ADGRB2: variants seen among roughly 807,000 people sequenced by gnomAD.
ADGRB2 encodes the protein brain-specific angiogenesis inhibitor 2.
In ADGRB2, 47 loss-of-function variants were observed where a neutral mutation model predicts 178.7. That is an observed-to-expected ratio of 0.26 (90% CI 0.21 to 0.34). ADGRB2 has a LOEUF of 0.34. Ranked by LOEUF, ADGRB2 falls within the 10% of genes least tolerant of loss-of-function variation. The pLI is 1.00. For missense variants in ADGRB2, 1,584 were observed against 2,180.8 expected (o/e 0.73, Z 5.45); for synonymous variants, 870 against 912.4 (o/e 0.95, Z 0.84).
chr1:31,759,177 T>C lies in ADGRB2; in HGVS notation c.-190-1666A>G. The C allele has an allele frequency of 1.4e-6, 1 of 715,332 alleles. No individual in the cohort carries two copies. Among genetic ancestry groups the C allele is most frequent in the Admixed American group, 1.9e-5 (1 of 53,678 alleles). The allele number at this position is 715,332 out of a possible 1,614,324, so 44.3% of individuals were successfully genotyped here. On this transcript the variant is annotated intron_variant, in intron 1 of 32. Coordinates refer to ENST00000373658, the MANE Select transcript of ADGRB2 (RefSeq NM_001364857.2). The surrounding 1 kb of genome is among the most constrained non-coding windows in gnomAD (Gnocchi z 4.3). The stretch of plus-strand genomic sequence containing the variant: ...AGTTCTGCATATGAATGGATACATA[T>C]GTACACGGACATGCACACAGGTGAA...
intron 15 of ADGRB2, 129 bp from the exon 16 acceptor site, chr1:31,739,066 T>A: frequency 1.1e-6 from 1 of 907,852 alleles, no homozygotes; most frequent in Non-Finnish European, 1.7e-6. Flanking sequence ...CCTAACTCAG[T>A]GGGGTCCAGG....
rs1321594888 is a variant in ADGRB2 at position 31,763,910 on chromosome 1, G to A, written c.-217C>T. On this transcript the variant is annotated 5_prime_UTR_variant, in exon 1 of 33. Coordinates refer to ENST00000373658, the MANE Select transcript of ADGRB2 (RefSeq NM_001364857.2). ...TGGGCGCCGTCAGCAGCAGGAGCGG[G>A]GGCCGGCGCTGGCGGGGGCGGCCAC... 19 of 985,570 alleles carry A rather than the reference G, an allele frequency of 1.9e-5. No individual in the cohort carries two copies. The highest frequency in any genetic ancestry group is 2.3e-5 in the Non-Finnish European group (19 of 830,138). The allele number at this position is 985,570 out of a possible 1,614,324, so 61.1% of individuals were successfully genotyped here.
intron 1 of ADGRB2, among the ~76,000 whole-genome samples, chr1:31,763,239 A>G (rs12045872): frequency 0.99 from 148,258 of 150,360 alleles, 73,132 homozygotes; most frequent in Middle Eastern, 1. Context: ...TTCCAAGCTG[A>G]GGGGAGGGGA....
chr1:31,747,698 G>C (rs1646347676), intron 4 of ADGRB2, among the ~76,000 whole-genome samples: 1 of 152,088 alleles, frequency 6.6e-6, no homozygotes, highest in South Asian at 2.1e-4. Context: ...TGACCCCCAG[G>C]GAATGCCAGC....
intron 20 of ADGRB2, 145 bp downstream of exon 20, chr1:31,737,284 A>G (rs1488218160): frequency 1.3e-6 from 1 of 769,130 alleles, no homozygotes; most frequent in East Asian, 2.7e-5. Context: ...GGTCTCACAC[A>G]CTATTTCATA....
intron 28 of ADGRB2, among the ~76,000 whole-genome samples, chr1:31,731,757 T>C (rs1015476138): frequency 1.3e-5 from 2 of 151,980 alleles, no homozygotes; most frequent in Non-Finnish European, 2.9e-5. Context: ...GAGACAGAAA[T>C]GGAAAGATTC....
At position 31,759,321 on chromosome 1, in the gene ADGRB2, A is replaced by AT; in HGVS notation, c.-190-1811dup. 1 of 779,630 alleles carries AT rather than the reference A, an allele frequency of 1.3e-6. No homozygotes were observed. The highest frequency in any genetic ancestry group is 2.4e-6 in the Non-Finnish European group (1 of 417,930). The allele number at this position is 779,630 out of a possible 1,614,324, so 48.3% of individuals were successfully genotyped here. A position where few individuals can be genotyped will look rare whatever the true frequency, so the allele number is the denominator to read the frequency against. On this transcript the variant is annotated intron_variant, in intron 1 of 32. Coordinates refer to ENST00000373658, the MANE Select transcript of ADGRB2 (RefSeq NM_001364857.2). This position sits in a 1 kb window ranked among gnomAD's most constrained non-coding sequence, Gnocchi z 4.3. The stretch of plus-strand genomic sequence containing the variant: ...CACGCATTCTCGACTGAGAACACAC[A>AT]TGAGTATCTGGCCCTCTGAGGCTCA...
At chr1:31,738,169 T>TA in intron 18 of ADGRB2, 31 bp downstream of exon 18, 3 of 1,608,762 alleles carry the variant, frequency 1.9e-6, no homozygotes, top group Non-Finnish European at 2.6e-6. Flanking sequence ...CCTCCTCCCT[T>TA]ATTCAGCCCA....
At position 31,735,197 on chromosome 1, in the gene ADGRB2, C is replaced by T. The variant is rs1265718816; in HGVS notation, c.3438G>A (p.Ser1146=). The change falls in exon 25 of 33, where the codon TCG becomes TCA. Residue 1146 remains serine, a synonymous_variant. Coordinates refer to ENST00000373658, the MANE Select transcript of ADGRB2 (RefSeq NM_001364857.2). This position sits in a 1 kb window ranked among gnomAD's most constrained non-coding sequence, Gnocchi z 6.0. ...GCACGACTAACATGGCGTTCCTGGC[C>T]GAGGCTGAGCTGAGCAGGGGGCTGG... The part of the protein sequence containing the change: ...AVPSPLLSSA[S]ARNAMASLWS... The T allele has an allele frequency of 1.1e-5, 15 of 1,425,396 alleles. No homozygotes were observed. The highest frequency in any genetic ancestry group is 2.6e-5 in the East Asian group (1 of 38,984). The allele number at this position is 1,425,396 out of a possible 1,614,324, so 88.3% of individuals were successfully genotyped here.
At chr1:31,732,381 A>C in intron 27 of ADGRB2, 136 bp downstream of exon 27, 2 of 1,178,482 alleles carry the variant, frequency 1.7e-6, no homozygotes, top group Non-Finnish European at 2.4e-6. Flanking sequence ...CCCAGGTGTT[A>C]GTGGCTGAGC....
chr1:31,735,291 G>A lies in ADGRB2; in HGVS notation c.3354-10C>T, dbSNP rs1006942967. Reference sequence around the variant, plus strand: ...GGGGCACCGCTCCGACCTCGGGGGCGGCACAGACATGGGAGAAGGAGGGGA... The same window carrying A: ...GGGGCACCGCTCCGACCTCGGGGGCAGCACAGACATGGGAGAAGGAGGGGA... On this transcript the variant is annotated splice_polypyrimidine_tract_variant and intron_variant, in intron 24 of 32. Coordinates refer to ENST00000373658, the MANE Select transcript of ADGRB2 (RefSeq NM_001364857.2). The surrounding 1 kb of genome is among the most constrained non-coding windows in gnomAD (Gnocchi z 6.0). The A allele has an allele frequency of 8.3e-5, 122 of 1,477,088 alleles. No homozygotes were observed. The highest frequency in any genetic ancestry group is 1.0e-4 in the Non-Finnish European group (112 of 1,106,202). 91.5% of individuals were successfully genotyped at this position (1,477,088 alleles called of 1,614,324 possible).
rs1557743220 is a variant in ADGRB2 at position 31,735,284 on chromosome 1, C to CG, written c.3354-4dup. 5 of 1,392,182 alleles carry CG rather than the reference C, an allele frequency of 3.6e-6. No individual in the cohort carries two copies. The highest frequency in any genetic ancestry group is 2.8e-6 in the Non-Finnish European group (3 of 1,053,884). 86.2% of individuals were successfully genotyped at this position (1,392,182 alleles called of 1,614,324 possible). A position where few individuals can be genotyped will look rare whatever the true frequency, so the allele number is the denominator to read the frequency against. ...TGGCCCAGGGGCACCGCTCCGACCTCGGGGGCGGCACAGACATGGGAGAAG... is the reference window on the plus strand; with the variant it reads ...TGGCCCAGGGGCACCGCTCCGACCTCGGGGGGCGGCACAGACATGGGAGAAG... On this transcript the variant is annotated splice_region_variant and splice_polypyrimidine_tract_variant and intron_variant, in intron 24 of 32. Transcript: ENST00000373658. This position sits in a 1 kb window ranked among gnomAD's most constrained non-coding sequence, Gnocchi z 6.0.
chr1:31,739,127 A>T (rs1645794433), intron 15 of ADGRB2, 181 bp downstream of exon 15: 4 of 875,426 alleles, frequency 4.6e-6, no homozygotes, highest in Admixed American at 3.0e-5. Context: ...GTGGCAGCCC[A>T]GCCTCTGAGA....
Position 31,728,008 on chromosome 1 carries a change from A to G in ADGRB2, c.4572+17T>C. 1 of 1,546,554 alleles carries G rather than the reference A, an allele frequency of 6.5e-7. No individual in the cohort carries two copies. Among genetic ancestry groups the G allele is most frequent in the Admixed American group, 1.9e-5 (1 of 51,860 alleles). ...CCCTCAGGCCCACCTCACCCCACCC[A>G]GCCCGGGGGGACTCACGGTGCACAC... On this transcript the variant is annotated intron_variant, in intron 32 of 32. Coordinates refer to ENST00000373658, the MANE Select transcript of ADGRB2 (RefSeq NM_001364857.2). The surrounding 1 kb of genome is among the most constrained non-coding windows in gnomAD (Gnocchi z 6.7).
Position 31,732,978 on chromosome 1 carries a change from G to A in ADGRB2, c.3618C>T (p.Arg1206=), listed in dbSNP as rs375234137. Residue 1206 remains arginine (R), a synonymous_variant, in exon 26 of 33, where the codon CGC becomes CGT. Transcript: ENST00000373658. ...FVITAVHCFL[R]REVQDVVKCQ... ...GGGAGAGGCCCAGCCCCACCTCTCGGCGCAGGAAGCAGTGCACAGCAGTGA... is the reference window on the plus strand; with the variant it reads ...GGGAGAGGCCCAGCCCCACCTCTCGACGCAGGAAGCAGTGCACAGCAGTGA... 1.9e-6 allele frequency: 3 copies of A among 1,554,588 alleles called. No homozygotes were observed. Among genetic ancestry groups the A allele is most frequent in the East Asian group, 2.4e-5 (1 of 41,234 alleles).
In ADGRB2 at chr1:31,727,198, G is replaced by T. The variant is rs981225378; in HGVS notation, c.*222C>A. ...ACAGGGACGGACAGGCTGGGCTGAA[G>T]ATGGGGTTCCAGTGGCTGAGGGGCC... On this transcript the variant is annotated 3_prime_UTR_variant, in exon 33 of 33. Coordinates refer to ENST00000373658, the MANE Select transcript of ADGRB2 (RefSeq NM_001364857.2). The surrounding 1 kb of genome is among the most constrained non-coding windows in gnomAD (Gnocchi z 4.4). 1.5e-4 allele frequency: 78 copies of T among 504,662 alleles called. No individual in the cohort carries two copies. Among genetic ancestry groups the T allele is most frequent in the Admixed American group, 4.5e-5 (1 of 22,430 alleles). 31.3% of individuals were successfully genotyped at this position (504,662 alleles called of 1,614,324 possible).
chr1:31,732,644 G>T (rs766644962), intron 26 of ADGRB2, 32 bp from the exon 27 acceptor site: 1 of 1,606,924 alleles, frequency 6.2e-7, no homozygotes, highest in Admixed American at 1.7e-5. Context: ...TGGGCCTGAG[G>T]CCACTGCAGG....
chr1:31,730,369 G>A (rs72887368), intron 29 of ADGRB2, among the ~76,000 whole-genome samples: 3,814 of 152,192 alleles, frequency 0.025, 153 homozygotes, highest in African/African-American at 0.085. Context: ...TCCTCAAAAC[G>A]ACTCCACAAA....
rs757490358 is a variant in ADGRB2, at chr1:31,761,507, C to G, written c.-191+2377G>C. Among the ~76,000 whole-genome samples, 3 of 152,180 alleles carry G rather than the reference C, an allele frequency of 2.0e-5. No individual in the cohort carries two copies. Among genetic ancestry groups the G allele is most frequent in the Non-Finnish European group, 2.9e-5 (2 of 68,040 alleles). Reference sequence around the variant, plus strand: ...TGACTGGGGTTTCTTCTCTGTACTTCTCCCACCTCTGCAGCCTCTACACTT... The same window carrying G: ...TGACTGGGGTTTCTTCTCTGTACTTGTCCCACCTCTGCAGCCTCTACACTT... On this transcript the variant is annotated intron_variant, in intron 1 of 32. Transcript: ENST00000373658. The surrounding 1 kb of genome is among the most constrained non-coding windows in gnomAD (Gnocchi z 4.2).
Sources: gnomAD v4.1 joint callset for allele counts (sites outside exome capture counted in the v4.1 genomes callset) on GRCh38, gnomAD v4.1.1 for gene constraint, Gnocchi (gnomAD v3.1) non-coding constraint, MANE v1.5 for transcripts, NCBI Gene and HGNC (gene_info 2026-07-23, HGNC 2026-07-21) for gene names.